Variants in LAIR1 observed in about 807,000 individuals in gnomAD.
LAIR1 encodes the protein leukocyte associated immunoglobulin like receptor 1.
In LAIR1, 24 loss-of-function variants were observed where a neutral mutation model predicts 32.8. The ratio of observed to expected loss-of-function variants is 0.73; its 90% CI spans 0.53 to 1.03. The LOEUF is 1.03. LAIR1 is among the 50% of genes least tolerant of loss of function. The pLI, the probability that LAIR1 is intolerant of heterozygous loss-of-function variation, is 0.00. For synonymous variants in LAIR1, 150 were observed against 140.5 expected (o/e 1.07, Z -0.48); for missense variants, 355 against 347.5 (o/e 1.02, Z -0.17).
At chr19:54,365,433 G>T (rs1479164290), upstream of LAIR1, among the ~76,000 whole-genome samples, 1 of 152,064 alleles carries the variant, frequency 6.6e-6, no homozygotes, top group Non-Finnish European at 1.5e-5. Flanking sequence ...CAGTGGGGAG[G>T]TTCCTCAAAA....
upstream of LAIR1, among the ~76,000 whole-genome samples, chr19:54,367,588 T>C (rs2082292661): frequency 1.3e-5 from 2 of 150,368 alleles, no homozygotes; most frequent in African/African-American, 4.9e-5. Context: ...CTACTAAAAA[T>C]ACAAAAAATT....
At chr19:54,363,420 T>C (rs868664480) in intron 2 of LAIR1, among the ~76,000 whole-genome samples, 1 of 152,002 alleles carries the variant, frequency 6.6e-6, no homozygotes, top group Non-Finnish European at 1.5e-5. Flanking sequence ...TGGGGAAAAG[T>C]GCCGGGCTCA....
Position 54,355,564 on chromosome 19 carries a change from G to C in LAIR1, c.718-150C>G. The C allele has an allele frequency of 1.5e-6, 1 of 681,162 alleles. No individual in the cohort carries two copies. Among genetic ancestry groups the C allele is most frequent in the Non-Finnish European group, 2.4e-6 (1 of 412,810 alleles). The allele number at this position is 681,162 out of a possible 1,614,324, so 42.2% of individuals were successfully genotyped here. A position where few individuals can be genotyped will look rare whatever the true frequency, so the allele number is the denominator to read the frequency against. Reference sequence around the variant, plus strand: ...GTGAAGAGCCCTCCCACAGGGTATTGGGGTTGGTTTACGTGACAATGAACA... The same window carrying C: ...GTGAAGAGCCCTCCCACAGGGTATTCGGGTTGGTTTACGTGACAATGAACA... On this transcript the variant is annotated intron_variant, in intron 9 of 9. Transcript: ENST00000391742. The surrounding 1 kb of genome is among the most constrained non-coding windows in gnomAD (Gnocchi z 4.7).
At chr19:54,366,549 T>TGGC (rs776901868), upstream of LAIR1, among the ~76,000 whole-genome samples, 4,706 of 152,126 alleles carry the variant, frequency 0.031, 108 homozygotes, top group Middle Eastern at 0.051. Context: ...AGTGAAGCAG[T>TGGC]GCGATCTCGG....
chr19:54,357,251 C>G (rs1302850647), intron 4 of LAIR1: 1 of 481,926 alleles, frequency 2.1e-6, no homozygotes, highest in Non-Finnish European at 3.7e-6. Flanking sequence ...CTCAGTGACC[C>G]CACGGGCCTG....
upstream of LAIR1, chr19:54,365,009 T>C: frequency 7.0e-7 from 1 of 1,435,972 alleles, no homozygotes. Flanking sequence ...AGGGCCTTGG[T>C]TTCTGAAAAA....
intron 2 of LAIR1, among the ~76,000 whole-genome samples, chr19:54,363,522 A>G (rs2082120041): frequency 6.6e-6 from 1 of 152,222 alleles, no homozygotes; most frequent in African/African-American, 2.4e-5. Flanking sequence ...CACTACTCAC[A>G]GCCGCCAAGA....
At chr19:54,357,783 T>C (rs1418478467) in intron 4 of LAIR1, among the ~76,000 whole-genome samples, 2 of 151,858 alleles carry the variant, frequency 1.3e-5, no homozygotes, top group Admixed American at 1.3e-4. Flanking sequence ...GCATCTTCAA[T>C]ATCCTTCAAG....
intron 5 of LAIR1, 147 bp from the exon 6 acceptor site, chr19:54,356,766 C>T (rs1317066457): frequency 1.2e-5 from 14 of 1,156,468 alleles, no homozygotes; most frequent in African/African-American, 1.1e-4. Context: ...GGATCGTTAT[C>T]CCCTTCTTCC....
At chr19:54,367,608 T>C (rs2082293221), upstream of LAIR1, among the ~76,000 whole-genome samples, 1 of 149,992 alleles carries the variant, frequency 6.7e-6, no homozygotes, top group Admixed American at 6.6e-5. Flanking sequence ...TAGCCGGGCG[T>C]GGTGGTGGGC....
upstream of LAIR1, among the ~76,000 whole-genome samples, chr19:54,373,832 C>T (rs531864150): frequency 8.5e-5 from 13 of 152,360 alleles, no homozygotes; most frequent in East Asian, 2.3e-3. Context: ...CAGGGACACC[C>T]GCTTCCTCCA....
chr19:54,360,931 C>A lies in LAIR1; in HGVS notation c.349G>T (p.Glu117Ter), dbSNP rs2081988881. Reference protein sequence around the residue: ...PKWSEQSDYLELLVKESSGGP... With the variant: ...PKWSEQSDYL ...ACGTCCTCACCTTTCACCAGCAGCT[C>A]CAGGTAGTCACTCTGCTCAGACCAT... The change falls in exon 3 of 10, where the codon GAG (glutamate) becomes TAG (stop). Residue 117 changes from glutamate to a stop codon, truncating the protein, a stop_gained. Coordinates refer to ENST00000391742, the MANE Select transcript of LAIR1 (RefSeq NM_002287.6). LOFTEE classifies it high-confidence loss of function. 1.2e-6 allele frequency: 2 copies of A among 1,612,890 alleles called. No individual in the cohort carries two copies. Among genetic ancestry groups the A allele is most frequent in the Non-Finnish European group, 8.5e-7 (1 of 1,179,076 alleles).
At chr19:54,375,279 C>G (rs888311996), upstream of LAIR1, among the ~76,000 whole-genome samples, 1 of 152,174 alleles carries the variant, frequency 6.6e-6, no homozygotes, top group East Asian at 1.9e-4. Context: ...CCTCGCCTGC[C>G]GTGCCAAGAC....
At chr19:54,357,807 C>G (rs1282346861) in intron 4 of LAIR1, among the ~76,000 whole-genome samples, 1 of 151,840 alleles carries the variant, frequency 6.6e-6, no homozygotes. Context: ...GGCAGACATT[C>G]TCTCTTGGAA....
In LAIR1 at chr19:54,363,212, G is replaced by A. The variant is rs10413903; in HGVS notation, c.70+1083C>T. On this transcript the variant is annotated intron_variant, in intron 2 of 9. Coordinates refer to ENST00000391742, the MANE Select transcript of LAIR1 (RefSeq NM_002287.6). The stretch of plus-strand genomic sequence containing the variant: ...GCCTCGGGGAGCCACGGAGGGGAGA[G>A]GGGCTGTCACCTGGGGGTGATGCAG... Among the ~76,000 whole-genome samples the A allele has an allele frequency of 2.0e-3, 308 of 152,106 alleles. 1 individual carries two copies. The highest frequency in any genetic ancestry group is 6.3e-3 in the African/African-American group (260 of 41,460).
At chr19:54,362,605 C>T (rs2122530904) in intron 2 of LAIR1, among the ~76,000 whole-genome samples, 1 of 152,320 alleles carries the variant, frequency 6.6e-6, no homozygotes, top group Non-Finnish European at 1.5e-5. Context: ...CTGCCTCAGC[C>T]TCCTGAGTAG....
rs889361759 is a variant in LAIR1, at chr19:54,354,254, T to G, written c.*1014A>C. On this transcript the variant is annotated 3_prime_UTR_variant, in exon 10 of 10. Coordinates refer to ENST00000391742, the MANE Select transcript of LAIR1 (RefSeq NM_002287.6). Reference sequence around the variant, plus strand: ...CTGTGTGTGTGCGTGTGTGTATGCATGTGTGTGAGAGCATGCATTCCTGTG... The same window carrying G: ...CTGTGTGTGTGCGTGTGTGTATGCAGGTGTGTGAGAGCATGCATTCCTGTG... 5 of 152,198 alleles carry G rather than the reference T, an allele frequency of 3.3e-5. No homozygotes were observed. The highest frequency in any genetic ancestry group is 2.0e-4 in the Admixed American group (3 of 15,274). 9.4% of individuals were successfully genotyped at this position (152,198 alleles called of 1,614,324 possible). A position where few individuals can be genotyped will look rare whatever the true frequency, so the allele number is the denominator to read the frequency against.
chr19:54,372,754 C>T (rs1054251850), upstream of LAIR1, among the ~76,000 whole-genome samples: 6 of 151,024 alleles, frequency 4.0e-5, 1 homozygote, highest in African/African-American at 1.5e-4. Context: ...TTTTAAAGTG[C>T]TGGGATTATA....
chr19:54,356,263 C>T lies in LAIR1; in HGVS notation c.631G>A (p.Asp211Asn). Reference sequence around the variant, plus strand: ...CTCTCTAGAACATCAACAGCCAGGTCAGGCCTAAGAGGAAAAATAAAAGTG... The same window carrying T: ...CTCTCTAGAACATCAACAGCCAGGTTAGGCCTAAGAGGAAAAATAAAAGTG... ...DEEQKPQQRP[D>N]LAVDVLERTA... The change falls in exon 8 of 10, where the codon GAC becomes AAC. Residue 211 changes from aspartate (D) to asparagine (N), a missense_variant. Transcript: ENST00000391742. The T allele has an allele frequency of 6.2e-7, 1 of 1,613,680 alleles. No individual in the cohort carries two copies. Among genetic ancestry groups the T allele is most frequent in the Non-Finnish European group, 8.5e-7 (1 of 1,179,868 alleles).
Sources: gnomAD v4.1 joint callset for allele counts (sites outside exome capture counted in the v4.1 genomes callset) on GRCh38, gnomAD v4.1.1 for gene constraint, Gnocchi (gnomAD v3.1) non-coding constraint, MANE v1.5 for transcripts, NCBI Gene and HGNC (gene_info 2026-07-23, HGNC 2026-07-21) for gene names.